The following DMBT1 variants were observed in gnomAD, a reference collection of about 807,000 sequenced individuals.
DMBT1 encodes scavenger receptor cysteine-rich domain-containing protein DMBT1.
DMBT1 carries 198 observed loss-of-function variants against 252.9 expected under a neutral mutation model. That is an observed-to-expected ratio of 0.78 (90% CI 0.70 to 0.88). The LOEUF (loss-of-function observed/expected upper bound fraction) is 0.88. Among genes scored for constraint, DMBT1 ranks in the 40% least tolerant of loss-of-function variants. DMBT1 has a pLI of 0.00. For missense variants in DMBT1, 2,432 were observed against 2,404.7 expected (o/e 1.01, Z -0.24); for synonymous variants, 990 against 942.7 (o/e 1.05, Z -0.92).
rs767128057 is a variant in DMBT1, at chr10:122,591,510, G to A, written c.2169G>A (p.Ser723=). Residue 723 remains serine, a synonymous_variant, in exon 19 of 56, where the codon TCG becomes TCA. Transcript: ENST00000338354. Reference sequence around the variant, plus strand: ...TGTCGACCATCACGTTACCTCCATCGACAGTAGGTAAATAATCCTCTCACC... The same window carrying A: ...TGTCGACCATCACGTTACCTCCATCAACAGTAGGTAAATAATCCTCTCACC... ...DTLSTITLPP[S]TVGSESSLTL... 1.3e-5 allele frequency: 20 copies of A among 1,586,052 alleles called. 2 individuals carry two copies. Among genetic ancestry groups the A allele is most frequent in the African/African-American group, 2.7e-5 (2 of 74,496 alleles).
chr10:122,576,360 A>G (rs944756660), intron 6 of DMBT1, 39 bp from the exon 7 acceptor site: 3 of 1,605,512 alleles, frequency 1.9e-6, no homozygotes, highest in African/African-American at 2.7e-5. Context: ...CTTGTGCCTC[A>G]GTAGGAATGT....
At chr10:122,641,424 A>G (rs551771310) in intron 55 of DMBT1, among the ~76,000 whole-genome samples, 1 of 152,174 alleles carries the variant, frequency 6.6e-6, no homozygotes, top group Non-Finnish European at 1.5e-5. Flanking sequence ...TAGGAATTAG[A>G]GGTGGGCAGA....
At chr10:122,577,692 C>G (rs2097725082) in intron 7 of DMBT1, 119 bp from the exon 8 acceptor site, 2 of 1,197,256 alleles carry the variant, frequency 1.7e-6, no homozygotes, top group South Asian at 3.0e-5. Flanking sequence ...GCAGGGCCCA[C>G]TTGGTGGGCG....
At chr10:122,571,330 A>G (rs1266739660) in intron 4 of DMBT1, among the ~76,000 whole-genome samples, 1 of 152,096 alleles carries the variant, frequency 6.6e-6, no homozygotes, top group African/African-American at 2.4e-5. Context: ...CACCTTGTGG[A>G]CTGGTTCTGA....
Position 122,598,864 on chromosome 10 carries a change from C to T in DMBT1, c.3047C>T (p.Thr1016Ile). The T allele has an allele frequency of 2.5e-6, 4 of 1,613,808 alleles. No individual in the cohort carries two copies. Among genetic ancestry groups the T allele is most frequent in the Non-Finnish European group, 3.4e-6 (4 of 1,179,776 alleles). Residue 1016 changes from threonine (T) to isoleucine (I), a missense_variant, in exon 26 of 56, where the codon ACC becomes ATC. Transcript: ENST00000338354. Reference protein sequence around the residue: ...VEVLYQGSWGTVCDDSWDTND... With the variant: ...VEVLYQGSWGIVCDDSWDTND... ...GTCCTATACCAAGGCTCCTGGGGCA[C>T]CGTGTGCGATGACAGCTGGGACACC...
chr10:122,568,193 A>G (rs1055677123), intron 2 of DMBT1, among the ~76,000 whole-genome samples: 1 of 152,180 alleles, frequency 6.6e-6, no homozygotes, highest in African/African-American at 2.4e-5. Flanking sequence ...CCTTATTCCC[A>G]GCATGGTTAA....
At chr10:122,566,126 C>T (rs1565531613) in intron 2 of DMBT1, 130 bp downstream of exon 2, 9 of 946,658 alleles carry the variant, frequency 9.5e-6, no homozygotes, top group East Asian at 5.2e-5. Flanking sequence ...GCAGGAATGC[C>T]GGGGGGACAG....
intron 16 of DMBT1, among the ~76,000 whole-genome samples, chr10:122,588,401 G>T (rs1015267821): frequency 7.3e-6 from 1 of 137,188 alleles, no homozygotes; most frequent in African/African-American, 2.6e-5. Context: ...AAATAATAAA[G>T]AAAAAAAAAA....
At chr10:122,620,381 G>T in intron 43 of DMBT1, 90 bp downstream of exon 43, 1 of 1,494,402 alleles carries the variant, frequency 6.7e-7, no homozygotes. Context: ...GCTCAAGCTG[G>T]CGCCTCTGTT....
chr10:122,641,903 C>A (rs1018355581), intron 55 of DMBT1, among the ~76,000 whole-genome samples: 1 of 152,120 alleles, frequency 6.6e-6, no homozygotes, highest in Admixed American at 6.5e-5. Context: ...ACACACCCTG[C>A]CCAGGCCCTA....
chr10:122,617,776 G>C (rs2098010365), intron 40 of DMBT1, among the ~76,000 whole-genome samples: 1 of 151,594 alleles, frequency 6.6e-6, no homozygotes, highest in Non-Finnish European at 1.5e-5. Flanking sequence ...ATTCATTCCT[G>C]TCACTTCCAG....
intron 16 of DMBT1, among the ~76,000 whole-genome samples, chr10:122,586,896 C>G (rs955356037): frequency 6.8e-6 from 1 of 148,018 alleles, no homozygotes; most frequent in African/African-American, 2.4e-5. Context: ...GGGGAGGTGG[C>G]CTGGACAGAG....
At position 122,637,183 on chromosome 10, in the gene DMBT1, A is replaced by G; in HGVS notation, c.6813A>G (p.Gln2271=). 6.2e-7 allele frequency: 1 copy of G among 1,613,920 alleles called. No individual in the cohort carries two copies. The highest frequency in any genetic ancestry group is 8.5e-7 in the Non-Finnish European group (1 of 1,179,878). ...CCAGTGTGAGCAGGAGCTATCTCCAATCCTTGGGCTTTTCTGCCAGTGACC... is the reference window on the plus strand; with the variant it reads ...CCAGTGTGAGCAGGAGCTATCTCCAGTCCTTGGGCTTTTCTGCCAGTGACC... ...MQASVSRSYL[Q]SLGFSASDLV... is the part of the protein sequence containing the mutation. Residue 2271 remains glutamine, a synonymous_variant, in exon 54 of 56, where the codon CAA becomes CAG. Transcript: ENST00000338354.
intron 48 of DMBT1, 77 bp from the exon 49 acceptor site, chr10:122,630,884 T>C: frequency 1.4e-6 from 2 of 1,461,692 alleles, no homozygotes; most frequent in Non-Finnish European, 1.9e-6. Flanking sequence ...GCCTGTGGGA[T>C]GCTTGGCCTT....
chr10:122,638,897 CT>C (rs1175048691), intron 54 of DMBT1, among the ~76,000 whole-genome samples: 1 of 152,238 alleles, frequency 6.6e-6, no homozygotes, highest in Non-Finnish European at 1.5e-5. Context: ...ATATCAGACA[CT>C]GAACTAAGTG....
At chr10:122,636,745 G>A (rs2133691885) in intron 53 of DMBT1, among the ~76,000 whole-genome samples, 1 of 152,364 alleles carries the variant, frequency 6.6e-6, no homozygotes, top group East Asian at 1.9e-4. Context: ...CTCTTATGCA[G>A]TCAGGATTAA....
At chr10:122,588,818 C>A (rs878906430) in intron 16 of DMBT1, 126 bp from the exon 17 acceptor site, 1 of 1,485,688 alleles carries the variant, frequency 6.7e-7, no homozygotes, top group Non-Finnish European at 9.2e-7. Flanking sequence ...TGGTTGCAGT[C>A]ATCTTTAATC....
At chr10:122,620,450 C>T (rs2277248) in intron 43 of DMBT1, among the ~76,000 whole-genome samples, 159 bp downstream of exon 43, 9,566 of 152,186 alleles carry the variant, frequency 0.063, 335 homozygotes, top group South Asian at 0.13. Context: ...AGTCCTGGGT[C>T]AGATGTTGGA....
Position 122,617,239 on chromosome 10 carries a change from A to G in DMBT1, c.4870A>G (p.Thr1624Ala), listed in dbSNP as rs1259686343. 1 of 1,609,096 alleles carries G rather than the reference A, an allele frequency of 6.2e-7. No homozygotes were observed. Among genetic ancestry groups the G allele is most frequent in the Admixed American group, 1.7e-5 (1 of 59,858 alleles). ...QPTPSPDTWPTSRASTAGSES... is the reference protein window; with the variant it reads ...QPTPSPDTWPASRASTAGSES... ...GTTGCTATTTACAGACACTTGGCCA[A>G]CCTCTCGTGCATCAACAGCAGGTAA... The change falls in exon 40 of 56, where the codon ACC becomes GCC. Residue 1624 changes from threonine (T) to alanine (A), a missense_variant. Transcript: ENST00000338354.
Sources: gnomAD v4.1 joint callset for allele counts (sites outside exome capture counted in the v4.1 genomes callset) on GRCh38, gnomAD v4.1.1 for gene constraint, MANE v1.5 for transcripts, NCBI Gene and HGNC (gene_info 2026-07-23, HGNC 2026-07-21) for gene names.